The following ZDHHC21 variants were observed in gnomAD, a reference collection of about 807,000 sequenced individuals.
The protein encoded by ZDHHC21 is zDHHC palmitoyltransferase 21, also known as palmitoyltransferase ZDHHC21.
A neutral mutation model predicts 34.6 loss-of-function variants in ZDHHC21; 15 were observed. The ratio of observed to expected loss-of-function variants is 0.43; its 90% confidence interval spans 0.29 to 0.67. The LOEUF (loss-of-function observed/expected upper bound fraction) is 0.67, where lower values mean the gene tolerates loss of function less well. ZDHHC21 is among the 30% of genes least tolerant of loss of function. The pLI is 0.14. For missense variants in ZDHHC21, 344 were observed against 327.7 expected (o/e 1.05, Z -0.38); for synonymous variants, 142 against 101.8 (o/e 1.40, Z -2.38).
chr9:14,633,354 C>A (rs1827690735), intron 8 of ZDHHC21, among the ~76,000 whole-genome samples: 1 of 152,016 alleles, frequency 6.6e-6, no homozygotes, highest in Non-Finnish European at 1.5e-5. Context: ...AGTCAGTGAC[C>A]CCTACTGCCC....
chr9:14,626,562 T>C (rs527883185), intron 8 of ZDHHC21, among the ~76,000 whole-genome samples: 2 of 152,074 alleles, frequency 1.3e-5, no homozygotes, highest in African/African-American at 4.8e-5. Flanking sequence ...AATTATGCAA[T>C]ATAAATATGC....
chr9:14,656,633 A>G (rs1024055802), intron 7 of ZDHHC21, among the ~76,000 whole-genome samples: 1 of 151,972 alleles, frequency 6.6e-6, no homozygotes. Context: ...CAAGGAAACC[A>G]TAAGACTTAG....
intron 2 of ZDHHC21, among the ~76,000 whole-genome samples, chr9:14,688,530 C>G (rs1402133369): frequency 6.6e-6 from 1 of 150,424 alleles, no homozygotes; most frequent in Non-Finnish European, 1.5e-5. Context: ...CCACAGCAGC[C>G]TGGGCAACAC....
intron 7 of ZDHHC21, among the ~76,000 whole-genome samples, chr9:14,642,093 G>C (rs968471901): frequency 5.9e-5 from 9 of 152,044 alleles, no homozygotes; most frequent in Admixed American, 2.6e-4. Context: ...ATGGAGATGA[G>C]ACTAAAAGAT....
At chr9:14,623,914 G>A (rs1218479814) in intron 8 of ZDHHC21, among the ~76,000 whole-genome samples, 2 of 151,886 alleles carry the variant, frequency 1.3e-5, no homozygotes, top group Admixed American at 6.6e-5. Flanking sequence ...CTCTTGTTGG[G>A]GAAAGTGTAA....
chr9:14,661,503 C>T (rs1041617158), intron 6 of ZDHHC21, among the ~76,000 whole-genome samples: 12 of 152,232 alleles, frequency 7.9e-5, no homozygotes, highest in African/African-American at 2.9e-4. Context: ...ATACAGAGAG[C>T]CAATGCTAAG....
intron 8 of ZDHHC21, among the ~76,000 whole-genome samples, chr9:14,627,479 T>C (rs754098566): frequency 8.6e-5 from 13 of 152,020 alleles, no homozygotes; most frequent in Non-Finnish European, 1.5e-4. Context: ...AATGCAAAAA[T>C]CACTATTTTT....
At chr9:14,621,101 G>C (rs562358199) in intron 8 of ZDHHC21, among the ~76,000 whole-genome samples, 129 of 152,068 alleles carry the variant, frequency 8.5e-4, no homozygotes, top group African/African-American at 2.7e-3. Flanking sequence ...TTAGAGTTTT[G>C]ATAGTAACAC....
intron 5 of ZDHHC21, among the ~76,000 whole-genome samples, chr9:14,662,754 A>G (rs1021660276): frequency 2.6e-5 from 4 of 152,216 alleles, no homozygotes; most frequent in Non-Finnish European, 5.9e-5. Context: ...CCTGGTTTCA[A>G]TTGATTAGTA....
Position 14,611,736 on chromosome 9 carries a change from G to C in ZDHHC21, c.*7230C>G, listed in dbSNP as rs1406580184. The C allele has an allele frequency of 2.6e-5, 4 of 151,932 alleles. No homozygotes were observed. Among genetic ancestry groups the C allele is most frequent in the African/African-American group, 4.8e-5 (2 of 41,408 alleles). 9.4% of individuals were successfully genotyped at this position (151,932 alleles called of 1,614,324 possible). On this transcript the variant is annotated 3_prime_UTR_variant, in exon 10 of 10. Transcript: ENST00000380916. ...AAAACACTAATTCCAGGGACACAAA[G>C]TGAGCTCATACAGCATGATCCACGT...
chr9:14,625,490 T>A (rs1192011904), intron 8 of ZDHHC21, among the ~76,000 whole-genome samples: 1 of 152,054 alleles, frequency 6.6e-6, no homozygotes, highest in African/African-American at 2.4e-5. Flanking sequence ...TCTGACTGTA[T>A]AATCTAAAGA....
chr9:14,677,033 A>C (rs1366393620), intron 3 of ZDHHC21, among the ~76,000 whole-genome samples: 1 of 152,034 alleles, frequency 6.6e-6, no homozygotes, highest in East Asian at 1.9e-4. Context: ...ACGACTGGCA[A>C]AATTATCAAA....
intron 6 of ZDHHC21, 86 bp downstream of exon 6, chr9:14,662,129 T>C (rs1169709489): frequency 1.2e-6 from 1 of 821,984 alleles, no homozygotes; most frequent in African/African-American, 1.7e-5. Context: ...AACTTTAACA[T>C]AACTGTTGTT....
At chr9:14,649,099 C>T (rs1830768352) in intron 7 of ZDHHC21, among the ~76,000 whole-genome samples, 1 of 152,064 alleles carries the variant, frequency 6.6e-6, no homozygotes, top group South Asian at 2.1e-4. Context: ...CAGTAGCACT[C>T]CCCTAGCTGC....
At position 14,693,271 on chromosome 9, in the gene ZDHHC21, C is replaced by T. The variant is rs936869764; in HGVS notation, c.-267G>A. ...CTCTCGCTGCCGCCGCTCTCCCGAC[C>T]GCCAGCAGCTCTTTCCCCTCCTCCT... On this transcript the variant is annotated 5_prime_UTR_variant, in exon 1 of 10. Transcript: ENST00000380916. The T allele has an allele frequency of 1.2e-5, 5 of 417,480 alleles. No homozygotes were observed. The highest frequency in any genetic ancestry group is 1.1e-4 in the African/African-American group (5 of 45,654). The allele number at this position is 417,480 out of a possible 1,614,324, so 25.9% of individuals were successfully genotyped here.
the ZDHHC21 span, among the ~76,000 whole-genome samples, chr9:14,596,915 T>C: frequency 6.6e-6 from 1 of 151,944 alleles, no homozygotes; most frequent in African/African-American, 2.4e-5. Flanking sequence ...TTCTGAGGCA[T>C]GGAAGGAGAG....
intron 7 of ZDHHC21, among the ~76,000 whole-genome samples, chr9:14,648,462 C>A (rs1830648439): frequency 6.6e-6 from 1 of 152,094 alleles, no homozygotes; most frequent in Non-Finnish European, 1.5e-5. Flanking sequence ...TCCTATTGCT[C>A]TGTCCCTAAC....
In ZDHHC21 at chr9:14,636,947, A is replaced by G. The variant is rs148148246; in HGVS notation, c.621+2949T>C. ...TACAGTAATAAATGCCTATATCAAA[A>G]CAGTAGAAAGATTTCAAGCAAATAG... On this transcript the variant is annotated intron_variant, in intron 8 of 9. Transcript: ENST00000380916. 7.3e-3 allele frequency among the ~76,000 whole-genome samples: 1,112 copies of G among 152,240 alleles called. 43 individuals carry two copies. Among genetic ancestry groups the G allele is most frequent in the Admixed American group, 0.062 (941 of 15,290 alleles).
chr9:14,673,455 A>G (rs913280195), intron 4 of ZDHHC21, among the ~76,000 whole-genome samples: 1 of 151,898 alleles, frequency 6.6e-6, no homozygotes, highest in Non-Finnish European at 1.5e-5. Context: ...CAAAAATAGT[A>G]AGGGAAAACA....
Sources: gnomAD v4.1 joint callset for allele counts (sites outside exome capture counted in the v4.1 genomes callset) on GRCh38, gnomAD v4.1.1 for gene constraint, MANE v1.5 for transcripts, NCBI Gene and HGNC (gene_info 2026-07-23, HGNC 2026-07-21) for gene names.